Variants in CYP4F12 observed in about 807,000 individuals in gnomAD.
CYP4F12 encodes the protein cytochrome P450 4F12.
A neutral mutation model predicts 56.5 loss-of-function variants in CYP4F12; 60 were observed. The ratio of observed to expected loss-of-function variants is 1.06; its 90% CI spans 0.86 to 1.32. The LOEUF (loss-of-function observed/expected upper bound fraction) is 1.32, where lower values mean the gene tolerates loss of function less well. Ranked by LOEUF, CYP4F12 falls within the 40% of genes most tolerant of loss-of-function variation. The pLI, the probability that CYP4F12 is intolerant of heterozygous loss-of-function variation, is 0.00. For synonymous variants in CYP4F12, 263 were observed against 264.9 expected (o/e 0.99, Z 0.07); for missense variants, 711 against 683.5 (o/e 1.04, Z -0.45).
At chr19:15,695,509 A>AAAC (rs1555754100) in intron 9 of CYP4F12, among the ~76,000 whole-genome samples, 6 of 150,280 alleles carry the variant, frequency 4.0e-5, no homozygotes, top group African/African-American at 1.5e-4. Flanking sequence ...ATAATAAAAA[A>AAAC]AAAAAAACAA....
chr19:15,674,857 T>C (rs2006841206), intron 2 of CYP4F12, among the ~76,000 whole-genome samples: 1 of 152,176 alleles, frequency 6.6e-6, no homozygotes, highest in South Asian at 2.1e-4. Flanking sequence ...GAGGCTCCTG[T>C]ATGGTTGTGG....
chr19:15,677,121 T>C (rs2006988508), intron 2 of CYP4F12, among the ~76,000 whole-genome samples: 1 of 109,634 alleles, frequency 9.1e-6, no homozygotes. Context: ...GCTCACTCAC[T>C]CATTCATATC....
intron 9 of CYP4F12, among the ~76,000 whole-genome samples, chr19:15,690,096 T>C (rs1361092228): frequency 6.6e-6 from 1 of 152,198 alleles, no homozygotes; most frequent in Non-Finnish European, 1.5e-5. Context: ...CCAAATGCTA[T>C]TGAAATAAAA....
chr19:15,686,748 G>A (rs55854413), intron 9 of CYP4F12, among the ~76,000 whole-genome samples: 32,321 of 152,048 alleles, frequency 0.21, 3,875 homozygotes, highest in Middle Eastern at 0.3. Context: ...CAGAGCTACT[G>A]TGGAGAGAGG....
Position 15,673,108 on chromosome 19 carries a change from G to T in CYP4F12, c.-29G>T. The T allele has an allele frequency of 9.9e-6, 4 of 402,832 alleles. No individual in the cohort carries two copies. The highest frequency in any genetic ancestry group is 7.4e-5 in the South Asian group (4 of 53,872). The allele number at this position is 402,832 out of a possible 1,614,324, so 25.0% of individuals were successfully genotyped here. A position where few individuals can be genotyped will look rare whatever the true frequency, so the allele number is the denominator to read the frequency against. ...TCCCAGCAGAAGAGGAGAAGAGGTT[G>T]TGTGGGACAAGCTGCTCCCGACAGA... On this transcript the variant is annotated 5_prime_UTR_variant, in exon 1 of 13. Transcript: ENST00000550308.
intron 2 of CYP4F12, among the ~76,000 whole-genome samples, chr19:15,675,547 C>T (rs1349966543): frequency 2.0e-5 from 3 of 152,250 alleles, no homozygotes; most frequent in Non-Finnish European, 4.4e-5. Context: ...CACAAACCTC[C>T]TTCCATGGGG....
chr19:15,673,895 C>CCACTCACTCCTCTACCCACT (rs2006754127), intron 2 of CYP4F12, among the ~76,000 whole-genome samples, 168 bp downstream of exon 2: 1 of 1,846 alleles, frequency 5.4e-4, no homozygotes, highest in African/African-American at 1.5e-3. Flanking sequence ...ATTCCTCTAC[C>CCACTCACTCCTCTACCCACT]CACTCACTCC....
intron 7 of CYP4F12, 105 bp downstream of exon 7, chr19:15,683,868 A>G: frequency 7.1e-7 from 1 of 1,415,618 alleles, no homozygotes; most frequent in South Asian, 1.6e-5. Flanking sequence ...GAGCCATGGA[A>G]GATGCTTGAG....
chr19:15,694,811 C>A (rs1239892739), intron 9 of CYP4F12, among the ~76,000 whole-genome samples: 1 of 152,202 alleles, frequency 6.6e-6, no homozygotes, highest in African/African-American at 2.4e-5. Context: ...GATACCATCT[C>A]ACACCAGTTA....
Position 15,682,428 on chromosome 19 carries a change from C to T in CYP4F12, c.565C>T (p.Leu189=), listed in dbSNP as rs144258147. 4,487 of 1,612,396 alleles carry T rather than the reference C, an allele frequency of 2.8e-3. 2 individuals carry two copies. In the African/African-American group the frequency reaches 0.054, roughly 20 times the overall value. ...CCTGGCCTCAGAGGGCAGCAGTCGTCTGGACATGTTTGAGCACATCAGCCT... is the reference window on the plus strand; with the variant it reads ...CCTGGCCTCAGAGGGCAGCAGTCGTTTGGACATGTTTGAGCACATCAGCCT... ...QHLASEGSSR[L]DMFEHISLMT... Residue 189 remains leucine (L), a synonymous_variant, in exon 6 of 13, where the codon CTG becomes TTG. Coordinates refer to ENST00000550308, the MANE Select transcript of CYP4F12 (RefSeq NM_023944.4).
At position 15,673,558 on chromosome 19, in the gene CYP4F12, G is replaced by T. The variant is rs1323591916; in HGVS notation, c.29G>T (p.Gly10Val). MSLLSLPWL[G>V]LRPVATSPWL... is the part of the protein sequence containing the mutation. ...TCGCTGCTGAGCCTGCCCTGGCTGG[G>T]CCTCAGACCGGTGGCAACGTCCCCA... Residue 10 changes from glycine (G) to valine (V), a missense_variant, in exon 2 of 13, where the codon GGC (glycine) becomes GTC (valine). Coordinates refer to ENST00000550308, the MANE Select transcript of CYP4F12 (RefSeq NM_023944.4). The T allele has an allele frequency of 6.2e-7, 1 of 1,613,998 alleles. No homozygotes were observed. The highest frequency in any genetic ancestry group is 8.5e-7 in the Non-Finnish European group (1 of 1,180,016).
intron 9 of CYP4F12, among the ~76,000 whole-genome samples, chr19:15,687,990 A>G (rs535922703): frequency 8.1e-4 from 124 of 152,286 alleles, no homozygotes; most frequent in African/African-American, 2.8e-3. Context: ...CCCGGGAGGC[A>G]AGCAGGAAGT....
intron 9 of CYP4F12, among the ~76,000 whole-genome samples, chr19:15,693,711 T>C: frequency 6.6e-6 from 1 of 151,060 alleles, no homozygotes; most frequent in Non-Finnish European, 1.5e-5. Context: ...CATTTGTCAA[T>C]TTTGGCTTTT....
chr19:15,675,374 C>T (rs1377066817), intron 2 of CYP4F12, among the ~76,000 whole-genome samples: 1 of 152,202 alleles, frequency 6.6e-6, no homozygotes, highest in Non-Finnish European at 1.5e-5. Flanking sequence ...TCCTGATGGA[C>T]ATTAGAGTCA....
chr19:15,675,865 G>A (rs1174632551), intron 2 of CYP4F12, among the ~76,000 whole-genome samples: 1 of 152,178 alleles, frequency 6.6e-6, no homozygotes, highest in African/African-American at 2.4e-5. Context: ...CAGATAGGGT[G>A]TTTCTTCTTA....
chr19:15,684,756 TTGTGTGTGTGTGTGTGTG>T (rs3063212), intron 7 of CYP4F12, 42 bp from the exon 8 acceptor site: 60 of 1,044,638 alleles, frequency 5.7e-5, no homozygotes, highest in African/African-American at 2.8e-4. Context: ...ATAGTATAAT[TTGTGTGTGTGTGTGTGTG>T]TGTGTGTGTG....
chr19:15,683,718 C>T lies in CYP4F12; in HGVS notation c.873C>T (p.Ala291=), dbSNP rs1026759274. ...TTGATGATTTTTTCAAAGACAAAGC[C>T]AAGTCCAAGACTTTGGATTTCATTG... ...QGIDDFFKDK[A]KSKTLDFIDV... The change falls in exon 7 of 13, where the codon GCC becomes GCT. Residue 291 remains alanine (A), a synonymous_variant. Coordinates refer to ENST00000550308, the MANE Select transcript of CYP4F12 (RefSeq NM_023944.4). The T allele has an allele frequency of 1.9e-6, 3 of 1,601,094 alleles. No individual in the cohort carries two copies. The highest frequency in any genetic ancestry group is 2.6e-6 in the Non-Finnish European group (3 of 1,174,182).
intron 6 of CYP4F12, among the ~76,000 whole-genome samples, chr19:15,683,063 A>AGAAG (rs1371965241): frequency 0.013 from 1,983 of 147,666 alleles, 2 homozygotes; most frequent in African/African-American, 0.048. Flanking sequence ...AGGGTGAAAG[A>AGAAG]GAGAGGGAGA....
chr19:15,686,698 G>GGT (rs1555751786), intron 9 of CYP4F12, among the ~76,000 whole-genome samples: 5 of 152,190 alleles, frequency 3.3e-5, no homozygotes, highest in African/African-American at 1.2e-4. Flanking sequence ...GGTTGAGCAG[G>GGT]GGAGGGGCAG....
Sources: gnomAD v4.1 joint callset for allele counts (sites outside exome capture counted in the v4.1 genomes callset) on GRCh38, gnomAD v4.1.1 for gene constraint, MANE v1.5 for transcripts, NCBI Gene and HGNC (gene_info 2026-07-23, HGNC 2026-07-21) for gene names.